Variants in LONRF2 observed in about 807,000 individuals in gnomAD.
LONRF2 encodes the protein LON peptidase N-terminal domain and RING finger protein 2.
In LONRF2, 35 loss-of-function variants were observed where a neutral mutation model predicts 66.6. That is an observed-to-expected ratio of 0.53 (90% confidence interval 0.40 to 0.70). The LOEUF is 0.70. Among genes scored for constraint, LONRF2 ranks in the 30% least tolerant of loss-of-function variants. The pLI is 0.00. For missense variants in LONRF2, 902 were observed against 1,002.1 expected (o/e 0.90, Z 1.35); for synonymous variants, 417 against 418.1 (o/e 1.00, Z 0.03).
chr2:100,321,470 C>T lies in LONRF2; in HGVS notation c.624G>A (p.Gln208=). The T allele has an allele frequency of 1.3e-6, 2 of 1,509,910 alleles. No homozygotes were observed. Among genetic ancestry groups the T allele is most frequent in the Non-Finnish European group, 1.8e-6 (2 of 1,140,620 alleles). 93.5% of individuals were successfully genotyped at this position (1,509,910 alleles called of 1,614,324 possible). The change falls in exon 1 of 12, where the codon CAG becomes CAA. Residue 208 remains glutamine, a synonymous_variant. Transcript: ENST00000393437. ...RRLAGQARSL[Q]RQQQPEAALL... is the part of the protein sequence containing the mutation. Reference sequence around the variant, plus strand: ...GCGCGGCCTCCGGCTGCTGCTGGCGCTGCAGGCTCCGCGCCTGGCCTGCCA... The same window carrying T: ...GCGCGGCCTCCGGCTGCTGCTGGCGTTGCAGGCTCCGCGCCTGGCCTGCCA...
intron 1 of LONRF2, among the ~76,000 whole-genome samples, chr2:100,315,821 G>A (rs187329462): frequency 6.6e-6 from 1 of 151,966 alleles, no homozygotes; most frequent in African/African-American, 2.4e-5. Context: ...ACTGATTTTG[G>A]CTCCTTTATT....
Position 100,321,900 on chromosome 2 carries a change from C to G in LONRF2, c.194G>C (p.Gly65Ala). Residue 65 changes from glycine (G) to alanine (A), a missense_variant, in exon 1 of 12, where the codon GGG (glycine) becomes GCG (alanine). Around this residue, in one of 2 missense-constraint regions of LONRF2, gnomAD observed 585 missense variants for 569.9 expected, o/e 1.03. Coordinates refer to ENST00000393437, the MANE Select transcript of LONRF2 (RefSeq NM_198461.4). ...QPDRGLCLRL[G>A]DALARAGRLP... ...GCGGCCGGCGCGGGCCAGCGCGTCC[C>G]CCAGCCTCAGGCACAGGCCGCGGTC... 1 of 1,286,906 alleles carries G rather than the reference C, an allele frequency of 7.8e-7. No homozygotes were observed. Among genetic ancestry groups the G allele is most frequent in the Non-Finnish European group, 9.8e-7 (1 of 1,017,398 alleles). The allele number at this position is 1,286,906 out of a possible 1,614,324, so 79.7% of individuals were successfully genotyped here. A position where few individuals can be genotyped will look rare whatever the true frequency, so the allele number is the denominator to read the frequency against.
At chr2:100,288,722 G>A (rs1480716394) in intron 10 of LONRF2, among the ~76,000 whole-genome samples, 3 of 152,188 alleles carry the variant, frequency 2.0e-5, no homozygotes, top group African/African-American at 4.8e-5. Context: ...GAAGCCACGC[G>A]GTATGTGTTC....
intron 4 of LONRF2, 142 bp from the exon 5 acceptor site, chr2:100,300,060 T>C (rs1675152212): frequency 1.7e-6 from 1 of 604,034 alleles, no homozygotes; most frequent in Admixed American, 3.1e-5. Flanking sequence ...GTTTCATCTG[T>C]TAATTTCTAA....
intron 9 of LONRF2, among the ~76,000 whole-genome samples, 187 bp from the exon 10 acceptor site, chr2:100,290,607 T>C (rs1674940207): frequency 6.6e-6 from 1 of 152,208 alleles, no homozygotes; most frequent in Non-Finnish European, 1.5e-5. Flanking sequence ...ATGTTAAATA[T>C]AGTGGTGATG....
chr2:100,309,577 G>C (rs1212964336), intron 1 of LONRF2: 1 of 157,262 alleles, frequency 6.4e-6, no homozygotes, highest in African/African-American at 2.4e-5. Context: ...TCCTCTCACT[G>C]CTATAACTAG....
At chr2:100,321,159 G>A (rs1288922368) in intron 1 of LONRF2, among the ~76,000 whole-genome samples, 1 of 152,214 alleles carries the variant, frequency 6.6e-6, no homozygotes, top group African/African-American at 2.4e-5. Context: ...GGACCTTACA[G>A]AGCTGCTCCG....
In LONRF2 at chr2:100,272,609, T is replaced by C. The variant is rs535858788; in HGVS notation, c.*11689A>G. On this transcript the variant is annotated 3_prime_UTR_variant, in exon 12 of 12. Transcript: ENST00000393437. ...TATCATAAAGGTGCCAGGAAGTTAA[T>C]AAAAATACTTTTCAGTATTTTGTAG... 3.6e-5 allele frequency among the ~76,000 whole-genome samples: 5 copies of C among 140,410 alleles called. No homozygotes were observed. The East Asian group carries it at 1.0e-3, about 29-fold the overall frequency. 92.1% of individuals were successfully genotyped at this position (140,410 alleles called of 152,430 possible).
intron 11 of LONRF2, among the ~76,000 whole-genome samples, chr2:100,286,375 A>G (rs1002592219): frequency 1.3e-5 from 2 of 152,192 alleles, no homozygotes; most frequent in East Asian, 3.9e-4. Flanking sequence ...GAAATGCTCC[A>G]CAAACCTAAG....
chr2:100,321,883 C>G lies in LONRF2; in HGVS notation c.211G>C (p.Ala71Pro). Residue 71 changes from alanine (A) to proline (P), a missense_variant, in exon 1 of 12, where the codon GCC (alanine) becomes CCC (proline). By Grantham distance (27) the Ala-to-Pro change is conservative. Transcript: ENST00000393437. Reference protein sequence around the residue: ...CLRLGDALARAGRLPEALGAF... With the variant: ...CLRLGDALARPGRLPEALGAF... The stretch of plus-strand genomic sequence containing the variant: ...CCCAGGGCTTCGGGGAGGCGGCCGG[C>G]GCGGGCCAGCGCGTCCCCCAGCCTC... 1 of 1,225,922 alleles carries G rather than the reference C, an allele frequency of 8.2e-7. No individual in the cohort carries two copies. Among genetic ancestry groups the G allele is most frequent in the Non-Finnish European group, 1.0e-6 (1 of 984,968 alleles). 75.9% of individuals were successfully genotyped at this position (1,225,922 alleles called of 1,614,324 possible).
chr2:100,318,029 A>G (rs1022022810), intron 1 of LONRF2, among the ~76,000 whole-genome samples: 5 of 152,160 alleles, frequency 3.3e-5, no homozygotes, highest in African/African-American at 1.2e-4. Flanking sequence ...GAAAATTCTC[A>G]ATTACTTTTT....
At chr2:100,286,581 G>A (rs757954610) in intron 11 of LONRF2, among the ~76,000 whole-genome samples, 9 of 152,180 alleles carry the variant, frequency 5.9e-5, no homozygotes, top group African/African-American at 1.2e-4. Flanking sequence ...TGCGCCAAAC[G>A]TGGAATGTTC....
intron 7 of LONRF2, 42 bp from the exon 8 acceptor site, chr2:100,295,595 T>C (rs1675049461): frequency 3.1e-6 from 5 of 1,591,650 alleles, no homozygotes; most frequent in Non-Finnish European, 4.3e-6. Flanking sequence ...TGGTAATTGA[T>C]TCTAAAGGAC....
chr2:100,308,224 G>T (rs1675336034), intron 2 of LONRF2, among the ~76,000 whole-genome samples: 1 of 110,238 alleles, frequency 9.1e-6, no homozygotes, highest in Non-Finnish European at 1.9e-5. Context: ...CAAAAAATTA[G>T]CTGGGTGTGG....
At chr2:100,299,957 G>A in intron 4 of LONRF2, 39 bp from the exon 5 acceptor site, 3 of 1,164,882 alleles carry the variant, frequency 2.6e-6, no homozygotes, top group Non-Finnish European at 2.3e-6. Flanking sequence ...GAGTATTAAA[G>A]AAATCATAGC....
At chr2:100,290,558 T>G (rs1484116393) in intron 9 of LONRF2, 138 bp from the exon 10 acceptor site, 1 of 841,880 alleles carries the variant, frequency 1.2e-6, no homozygotes, top group East Asian at 2.7e-5. Flanking sequence ...GCAAGGTTAT[T>G]GTCGCTAAGA....
chr2:100,300,688 T>C lies in LONRF2; in HGVS notation c.1021A>G (p.Asn341Asp), dbSNP rs371565327. 5 of 1,613,532 alleles carry C rather than the reference T, an allele frequency of 3.1e-6. No homozygotes were observed. In the African/African-American group the frequency reaches 6.7e-5, roughly 22 times the overall value. ...RLKAQGHSHMNAQALLEEGDA... is the reference protein window; with the variant it reads ...RLKAQGHSHMDAQALLEEGDA... ...CCTTCTTCCAGCAGAGCCTGGGCAT[T>C]CATGTGGCTGTGACCCTGAGCCTTT... is the stretch of plus-strand genomic sequence containing the variant. Residue 341 changes from asparagine to aspartate, a missense_variant, in exon 4 of 12, where the codon AAT becomes GAT. Asn to Asp is a conservative substitution (Grantham distance 23). Transcript: ENST00000393437.
At chr2:100,316,010 T>G (rs1391102208) in intron 1 of LONRF2, among the ~76,000 whole-genome samples, 1 of 152,066 alleles carries the variant, frequency 6.6e-6, no homozygotes, top group Non-Finnish European at 1.5e-5. Context: ...GTATTTTCAT[T>G]ATCATTCAGG....
intron 9 of LONRF2, among the ~76,000 whole-genome samples, chr2:100,293,627 G>A (rs1311226034): frequency 6.6e-6 from 1 of 152,160 alleles, no homozygotes. Flanking sequence ...CACCCTCTCT[G>A]GACAAAGACG....
Sources: allele counts gnomAD v4.1 joint callset (sites outside exome capture counted in the v4.1 genomes callset), GRCh38; gene constraint gnomAD v4.1.1; regional missense constraint gnomAD v4.1.1; transcripts MANE v1.5; gene names NCBI Gene and HGNC (gene_info 2026-07-23, HGNC 2026-07-21).